The following CNST variants were observed in gnomAD, a reference collection of about 807,000 sequenced individuals.
CNST encodes the protein consortin.
CNST carries 39 observed loss-of-function variants against 72.4 expected under a neutral mutation model. The ratio of observed to expected loss-of-function variants is 0.54; its 90% CI spans 0.42 to 0.70. The LOEUF (loss-of-function observed/expected upper bound fraction) is 0.70, where lower values mean the gene tolerates loss of function less well. Among genes scored for constraint, CNST ranks in the 30% least tolerant of loss-of-function variants. The pLI is 0.00. For missense variants in CNST, 871 were observed against 868.5 expected, an observed-to-expected ratio of 1.00 and a Z score of -0.04; for synonymous variants, 332 against 320.1, an observed-to-expected ratio of 1.04 and a Z score of -0.40.
intron 2 of CNST, among the ~76,000 whole-genome samples, chr1:246,597,112 C>G (rs887541754): frequency 6.6e-6 from 1 of 152,094 alleles, no homozygotes; most frequent in African/African-American, 2.4e-5. Context: ...TTATGCCAAA[C>G]AGTTTTCCAA....
In CNST at chr1:246,648,302, T is replaced by TA. The variant is rs1666246551; in HGVS notation, c.1836+266dup. 1.5e-5 allele frequency: 15 copies of TA among 1,013,916 alleles called. No individual in the cohort carries two copies. The South Asian group carries it at 4.0e-4, about 27-fold the overall frequency. 62.8% of individuals were successfully genotyped at this position (1,013,916 alleles called of 1,614,324 possible). Reference sequence around the variant, plus strand: ...AGCGTTATTGTATATATCCATTTTTTATAGTCCTGACTGTTATGTGGCAGT... The same window carrying TA: ...AGCGTTATTGTATATATCCATTTTTTAATAGTCCTGACTGTTATGTGGCAGT... On this transcript the variant is annotated intron_variant, in intron 9 of 10. Coordinates refer to ENST00000366513, the MANE Select transcript of CNST (RefSeq NM_152609.3).
Position 246,648,046 on chromosome 1 carries a change from G to C in CNST, c.1836+9G>C. On this transcript the variant is annotated intron_variant, in intron 9 of 10. Coordinates refer to ENST00000366513, the MANE Select transcript of CNST (RefSeq NM_152609.3). ...GGATAGAGATTGCAGAGGTAAATCA[G>C]AGATGAAGTACAATTAAAAGTAAAA... is the stretch of plus-strand genomic sequence containing the variant. The C allele has an allele frequency of 6.3e-7, 1 of 1,586,054 alleles. No homozygotes were observed. The highest frequency in any genetic ancestry group is 8.6e-7 in the Non-Finnish European group (1 of 1,168,328).
chr1:246,659,437 A>G (rs1666958051), intron 9 of CNST, among the ~76,000 whole-genome samples: 1 of 152,156 alleles, frequency 6.6e-6, no homozygotes, highest in Admixed American at 6.5e-5. Flanking sequence ...TACTGAAAAT[A>G]CAAAAAAATT....
At chr1:246,618,196 G>A (rs779831999) in intron 2 of CNST, among the ~76,000 whole-genome samples, 1 of 152,226 alleles carries the variant, frequency 6.6e-6, no homozygotes, top group Non-Finnish European at 1.5e-5. Context: ...AACCTCTGGA[G>A]ATTTTGAATG....
chr1:246,659,543 C>T (rs935099149), intron 9 of CNST, among the ~76,000 whole-genome samples: 3 of 151,482 alleles, frequency 2.0e-5, no homozygotes, highest in Non-Finnish European at 4.4e-5. Flanking sequence ...TGCAGTGAGC[C>T]GAGATCGCGC....
At chr1:246,582,039 C>T (rs1395757959) in intron 1 of CNST, among the ~76,000 whole-genome samples, 1 of 152,118 alleles carries the variant, frequency 6.6e-6, no homozygotes, top group African/African-American at 2.4e-5. Context: ...TGTAAACTTT[C>T]ATATAAGTCA....
chr1:246,634,985 C>T (rs538835915), intron 6 of CNST, among the ~76,000 whole-genome samples: 1 of 151,964 alleles, frequency 6.6e-6, no homozygotes, highest in African/African-American at 2.4e-5. Context: ...GCGTGTCTTC[C>T]GGCCGGCCCT....
At chr1:246,598,436 C>T (rs1662034748) in intron 2 of CNST, among the ~76,000 whole-genome samples, 1 of 151,966 alleles carries the variant, frequency 6.6e-6, no homozygotes, top group African/African-American at 2.4e-5. Context: ...TTCAGATGTA[C>T]CTGTCCCTGC....
At chr1:246,641,475 CATT>C (rs1333725002) in intron 6 of CNST, among the ~76,000 whole-genome samples, 2 of 152,074 alleles carry the variant, frequency 1.3e-5, no homozygotes, top group Non-Finnish European at 2.9e-5. Context: ...AAAAGGTTGT[CATT>C]CTTCTTTTTT....
Position 246,665,688 on chromosome 1 carries a change from T to G in CNST, c.1973-12T>G. ...GGTGACAATGTAACCTCACTCTTTC[T>G]CATGTTTGCAGATGAAGTTGGAGGT... is the stretch of plus-strand genomic sequence containing the variant. On this transcript the variant is annotated splice_polypyrimidine_tract_variant and intron_variant, in intron 10 of 10. Coordinates refer to ENST00000366513, the MANE Select transcript of CNST (RefSeq NM_152609.3). The G allele has an allele frequency of 6.2e-7, 1 of 1,610,390 alleles. No homozygotes were observed. The highest frequency in any genetic ancestry group is 2.2e-5 in the East Asian group (1 of 44,870).
At chr1:246,611,616 C>T (rs1010520973) in intron 2 of CNST, among the ~76,000 whole-genome samples, 2 of 152,032 alleles carry the variant, frequency 1.3e-5, no homozygotes, top group South Asian at 2.1e-4. Flanking sequence ...GGAAAAAAAC[C>T]AGCACAGATA....
chr1:246,606,697 G>A (rs899952203), intron 2 of CNST: 8 of 151,492 alleles, frequency 5.3e-5, no homozygotes, highest in South Asian at 2.1e-4. Flanking sequence ...GATCCATTGC[G>A]GAGGCCACTC....
intron 1 of CNST, among the ~76,000 whole-genome samples, chr1:246,581,143 C>G (rs1422371654): frequency 6.6e-6 from 1 of 152,240 alleles, no homozygotes; most frequent in Non-Finnish European, 1.5e-5. Context: ...GTTGCTATTT[C>G]TGTCCTGTAT....
chr1:246,627,512 G>C (rs1202255831), intron 3 of CNST, among the ~76,000 whole-genome samples: 3 of 152,200 alleles, frequency 2.0e-5, no homozygotes, highest in Admixed American at 2.0e-4. Context: ...GTGAGATACA[G>C]GAAACTGGGA....
intron 6 of CNST, among the ~76,000 whole-genome samples, chr1:246,639,871 T>A (rs1468350737): frequency 1.3e-5 from 2 of 152,120 alleles, no homozygotes; most frequent in African/African-American, 4.8e-5. Flanking sequence ...GGTTTTATGG[T>A]CTCCTGTAAA....
intron 2 of CNST, chr1:246,606,018 A>G (rs925750049): frequency 2.6e-5 from 4 of 152,090 alleles, no homozygotes; most frequent in African/African-American, 9.7e-5. Flanking sequence ...GTTATAGAAA[A>G]AGGGAAAAGG....
intron 1 of CNST, among the ~76,000 whole-genome samples, chr1:246,574,972 T>TTTTTTTTATTTATTTA (rs1553368201): frequency 4.8e-4 from 69 of 143,654 alleles, no homozygotes; most frequent in African/African-American, 1.1e-3. Context: ...TCCTCAAGTA[T>TTTTTTTTATTTATTTA]TTTATTTATT....
Position 246,621,477 on chromosome 1 carries a change from G to A in CNST, c.428G>A (p.Ser143Asn). The change falls in exon 3 of 11, where the codon AGC (serine) becomes AAC (asparagine). Residue 143 changes from serine to asparagine, a missense_variant. Physicochemically the swap from Ser to Asn is conservative, Grantham distance 46. Coordinates refer to ENST00000366513, the MANE Select transcript of CNST (RefSeq NM_152609.3). ...IAPLMQEKVLSAVTYAVDDEE... is the reference protein window; with the variant it reads ...IAPLMQEKVLNAVTYAVDDEE... Reference sequence around the variant, plus strand: ...CCTTTAATGCAAGAAAAAGTACTAAGCGCAGTCACATATGCTGTTGATGAT... The same window carrying A: ...CCTTTAATGCAAGAAAAAGTACTAAACGCAGTCACATATGCTGTTGATGAT... 6.2e-7 allele frequency: 1 copy of A among 1,614,164 alleles called. No homozygotes were observed. Among genetic ancestry groups the A allele is most frequent in the East Asian group, 2.2e-5 (1 of 44,890 alleles).
At chr1:246,574,106 C>A (rs1407480387) in intron 1 of CNST, among the ~76,000 whole-genome samples, 1 of 152,166 alleles carries the variant, frequency 6.6e-6, no homozygotes, top group African/African-American at 2.4e-5. Context: ...GTGGCGTGAT[C>A]TCAGCTCACT....
Sources: gnomAD v4.1 joint callset for allele counts (sites outside exome capture counted in the v4.1 genomes callset) on GRCh38, gnomAD v4.1.1 for gene constraint, MANE v1.5 for transcripts, NCBI Gene and HGNC (gene_info 2026-07-23, HGNC 2026-07-21) for gene names.